Variants in MPLKIP observed in about 807,000 individuals in gnomAD.
MPLKIP encodes the protein M-phase specific PLK1 interacting protein, also known as M-phase-specific PLK1-interacting protein.
A neutral mutation model predicts 16.9 loss-of-function variants in MPLKIP; 16 were observed. That is an observed-to-expected ratio of 0.94 (90% CI 0.64 to 1.43). The LOEUF is 1.43. MPLKIP is among the 40% of genes most tolerant of loss of function. The pLI is 0.00. For synonymous variants in MPLKIP, 126 were observed against 98.4 expected, an observed-to-expected ratio of 1.28 and a Z score of -1.66; for missense variants, 282 against 237.6, an observed-to-expected ratio of 1.19 and a Z score of -1.23.
In MPLKIP at chr7:40,130,587, A is replaced by G. The variant is rs1329228787; in HGVS notation, c.*2472T>C. The G allele has an allele frequency of 6.6e-6, 1 of 152,222 alleles. No individual in the cohort carries two copies. The highest frequency in any genetic ancestry group is 2.4e-5 in the African/African-American group (1 of 41,476). The allele number at this position is 152,222 out of a possible 1,614,324, so 9.4% of individuals were successfully genotyped here. ...AATGTCTTCCAAATATGATATAAAT[A>G]CACTGGCACAAAATCCTAACTTCTG... On this transcript the variant is annotated 3_prime_UTR_variant, in exon 2 of 2. Coordinates refer to ENST00000306984, the MANE Select transcript of MPLKIP (RefSeq NM_138701.4).
At position 40,126,347 on chromosome 7, in the gene MPLKIP, CAACT is replaced by C. The variant is rs1460788618; in HGVS notation, c.*6708_*6711del. On this transcript the variant is annotated 3_prime_UTR_variant, in exon 2 of 2. Transcript: ENST00000306984. ...TTGTATCAAATGGCTCTAATTTAAT[CAACT>C]ATCTTGTTATACTGTGCAAATATGC... The C allele has an allele frequency of 1.3e-5, 2 of 152,190 alleles. No homozygotes were observed. Among genetic ancestry groups the C allele is most frequent in the Non-Finnish European group, 2.9e-5 (2 of 68,034 alleles). 9.4% of individuals were successfully genotyped at this position (152,190 alleles called of 1,614,324 possible).
chr7:40,130,723 T>TA lies in MPLKIP; in HGVS notation c.*2335dup, dbSNP rs955223352. 2.0e-4 allele frequency: 31 copies of TA among 152,330 alleles called. No homozygotes were observed. Among genetic ancestry groups the TA allele is most frequent in the Admixed American group, 5.2e-4 (8 of 15,292 alleles). 9.4% of individuals were successfully genotyped at this position (152,330 alleles called of 1,614,324 possible). On this transcript the variant is annotated 3_prime_UTR_variant, in exon 2 of 2. Coordinates refer to ENST00000306984, the MANE Select transcript of MPLKIP (RefSeq NM_138701.4). The stretch of plus-strand genomic sequence containing the variant: ...TACCTATAAAGTTCAATAAAGTATT[T>TA]AAAAAAGTATTCCCTTTGCTTTAAT...
rs144313345 is a variant in MPLKIP at position 40,130,156 on chromosome 7, A to G, written c.*2903T>C. 89 of 152,338 alleles carry G rather than the reference A, an allele frequency of 5.8e-4. No individual in the cohort carries two copies. The highest frequency in any genetic ancestry group is 3.4e-3 in the Middle Eastern group (1 of 294). 9.4% of individuals were successfully genotyped at this position (152,338 alleles called of 1,614,324 possible). ...GACCCTTGTTTGAAGACTCTACTAT[A>G]GACTACACTTCCATCCTTTAAGCAT... On this transcript the variant is annotated 3_prime_UTR_variant, in exon 2 of 2. Transcript: ENST00000306984.
rs1157472989 is a variant in MPLKIP, at chr7:40,132,772, T to C, written c.*287A>G. 5.0e-5 allele frequency: 21 copies of C among 417,160 alleles called. No homozygotes were observed. The highest frequency in any genetic ancestry group is 8.1e-5 in the African/African-American group (4 of 49,540). The allele number at this position is 417,160 out of a possible 1,614,324, so 25.8% of individuals were successfully genotyped here. A position where few individuals can be genotyped will look rare whatever the true frequency, so the allele number is the denominator to read the frequency against. On this transcript the variant is annotated 3_prime_UTR_variant, in exon 2 of 2. Transcript: ENST00000306984. ...AGACAAAATGTTTTATTTTAAAACA[T>C]TGAAAAAACATTAAAAGACAAATGT... is the stretch of plus-strand genomic sequence containing the variant.
Position 40,132,923 on chromosome 7 carries a change from G to A in MPLKIP, c.*136C>T, listed in dbSNP as rs1165360340. 24 of 801,848 alleles carry A rather than the reference G, an allele frequency of 3.0e-5. 1 individual carries two copies. The East Asian group carries it at 5.9e-4, about 20-fold the overall frequency. The allele number at this position is 801,848 out of a possible 1,614,324, so 49.7% of individuals were successfully genotyped here. ...CTCTAATATCAACAATACCTGATAC[G>A]ATGAAAAATAACAAAAAGACCTTAC... is the stretch of plus-strand genomic sequence containing the variant. On this transcript the variant is annotated 3_prime_UTR_variant, in exon 2 of 2. Transcript: ENST00000306984.
Position 40,132,919 on chromosome 7 carries a change from A to G in MPLKIP, c.*140T>C. On this transcript the variant is annotated 3_prime_UTR_variant, in exon 2 of 2. Coordinates refer to ENST00000306984, the MANE Select transcript of MPLKIP (RefSeq NM_138701.4). ...TTTTCTCTAATATCAACAATACCTG[A>G]TACGATGAAAAATAACAAAAAGACC... 1.3e-6 allele frequency: 1 copy of G among 780,998 alleles called. No individual in the cohort carries two copies. The highest frequency in any genetic ancestry group is 2.2e-6 in the Non-Finnish European group (1 of 464,834). The allele number at this position is 780,998 out of a possible 1,614,324, so 48.4% of individuals were successfully genotyped here. A position where few individuals can be genotyped will look rare whatever the true frequency, so the allele number is the denominator to read the frequency against.
Position 40,129,515 on chromosome 7 carries a change from C to CA in MPLKIP, c.*3543dup, listed in dbSNP as rs375759134. On this transcript the variant is annotated 3_prime_UTR_variant, in exon 2 of 2. Transcript: ENST00000306984. ...CAAGTGATCTGCCCACCTGGGCTCC[C>CA]AAAGTGCTGGGATTACAGGTGTGAG... The CA allele has an allele frequency of 5.5e-4, 84 of 152,306 alleles. 1 individual carries two copies. The highest frequency in any genetic ancestry group is 1.9e-3 in the African/African-American group (80 of 41,548). The allele number at this position is 152,306 out of a possible 1,614,324, so 9.4% of individuals were successfully genotyped here.
At chr7:40,133,674 C>T (rs754267097) in intron 1 of MPLKIP, among the ~76,000 whole-genome samples, 12 of 151,960 alleles carry the variant, frequency 7.9e-5, no homozygotes, top group Non-Finnish European at 1.8e-4. Flanking sequence ...TCCTTAGCTC[C>T]AGGCTCAAAA....
rs1218213172 is a variant in MPLKIP at position 40,134,415 on chromosome 7, C to G, written c.153G>C (p.Thr51=). 1 of 1,563,676 alleles carries G rather than the reference C, an allele frequency of 6.4e-7. No individual in the cohort carries two copies. The highest frequency in any genetic ancestry group is 8.6e-7 in the Non-Finnish European group (1 of 1,156,178). The part of the protein sequence containing the change: ...PRDGYGSPHH[T]PPYGPRSRPY... Reference sequence around the variant, plus strand: ...GCCTAGACCGGGGCCCGTACGGCGGCGTGTGGTGCGGACTCCCGTACCCGT... The same window carrying G: ...GCCTAGACCGGGGCCCGTACGGCGGGGTGTGGTGCGGACTCCCGTACCCGT... The change falls in exon 1 of 2, where the codon ACG becomes ACC. Residue 51 remains threonine, a synonymous_variant. Coordinates refer to ENST00000306984, the MANE Select transcript of MPLKIP (RefSeq NM_138701.4).
In MPLKIP at chr7:40,131,110, CAT is replaced by C. The variant is rs1193910414; in HGVS notation, c.*1947_*1948del. Reference sequence around the variant, plus strand: ...GTACTATTAATTTTCTCATCTTACACATGAGAAAATTGAGGCATAGAGAAGTG... The same window carrying C: ...GTACTATTAATTTTCTCATCTTACACGAGAAAATTGAGGCATAGAGAAGTG... On this transcript the variant is annotated 3_prime_UTR_variant, in exon 2 of 2. Transcript: ENST00000306984. 2.0e-5 allele frequency: 3 copies of C among 152,152 alleles called. No homozygotes were observed. The highest frequency in any genetic ancestry group is 7.2e-5 in the African/African-American group (3 of 41,410). 9.4% of individuals were successfully genotyped at this position (152,152 alleles called of 1,614,324 possible).
Position 40,128,937 on chromosome 7 carries a change from AGAAT to A in MPLKIP, c.*4118_*4121del, listed in dbSNP as rs1171467393. On this transcript the variant is annotated 3_prime_UTR_variant, in exon 2 of 2. Transcript: ENST00000306984. ...TCTCAAAAAAAAAAAAAAAAAAAAAAGAATGGTGGAAATACAGAGTTTGCTTCAC... is the reference window on the plus strand; with the variant it reads ...TCTCAAAAAAAAAAAAAAAAAAAAAAGGTGGAAATACAGAGTTTGCTTCAC... 2 of 151,178 alleles carry A rather than the reference AGAAT, an allele frequency of 1.3e-5. No individual in the cohort carries two copies. Among genetic ancestry groups the A allele is most frequent in the Non-Finnish European group, 2.9e-5 (2 of 67,798 alleles). The allele number at this position is 151,178 out of a possible 1,614,324, so 9.4% of individuals were successfully genotyped here. A position where few individuals can be genotyped will look rare whatever the true frequency, so the allele number is the denominator to read the frequency against.
chr7:40,133,428 T>A (rs571155922), intron 1 of MPLKIP, among the ~76,000 whole-genome samples, 169 bp from the exon 2 acceptor site: 10 of 152,266 alleles, frequency 6.6e-5, no homozygotes, highest in African/African-American at 2.4e-4. Flanking sequence ...TCCTATTTTT[T>A]AAAAAAAGTA....
rs1291344374 is a variant in MPLKIP, at chr7:40,134,339, G to A, written c.229C>T (p.Arg77Trp). The A allele has an allele frequency of 3.9e-6, 6 of 1,552,770 alleles. No individual in the cohort carries two copies. The highest frequency in any genetic ancestry group is 4.4e-6 in the Non-Finnish European group (5 of 1,148,974). Residue 77 changes from arginine (R) to tryptophan (W), a missense_variant, in exon 1 of 2, where the codon CGG becomes TGG. Arg to Trp is a moderately radical substitution (Grantham distance 101). Coordinates refer to ENST00000306984, the MANE Select transcript of MPLKIP (RefSeq NM_138701.4). ...CCGCCAGGGGACGGAGACCCGAACC[G>A]GCCCCCCGGGAAGCTGCCGCCGTGT... Reference protein sequence around the residue: ...PRHGGSFPGGRFGSPSPGGYP... With the variant: ...PRHGGSFPGGWFGSPSPGGYP...
At position 40,133,137 on chromosome 7, in the gene MPLKIP, T is replaced by C. The variant is rs1196365296; in HGVS notation, c.462A>G (p.Pro154=). ...MLEDPWAGLE[P]VSVVDISQQY... The stretch of plus-strand genomic sequence containing the variant: ...GTTGGCTTATATCCACTACAGATAC[T>C]GGTTCTAGGCCAGCCCAAGGATCTT... Residue 154 remains proline, a synonymous_variant, in exon 2 of 2, where the codon CCA becomes CCG. Transcript: ENST00000306984. The C allele has an allele frequency of 2.5e-6, 4 of 1,614,040 alleles. No homozygotes were observed. Among genetic ancestry groups the C allele is most frequent in the Middle Eastern group, 1.7e-4 (1 of 6,058 alleles).
chr7:40,133,207 C>T lies in MPLKIP; in HGVS notation c.392G>A (p.Arg131Lys). 1 of 1,613,712 alleles carries T rather than the reference C, an allele frequency of 6.2e-7. No homozygotes were observed. Among genetic ancestry groups the T allele is most frequent in the Non-Finnish European group, 8.5e-7 (1 of 1,179,964 alleles). The change falls in exon 2 of 2, where the codon AGA becomes AAA. Residue 131 changes from arginine to lysine, a missense_variant. Arg to Lys is a conservative substitution (Grantham distance 26). Transcript: ENST00000306984. ...PFGSGRVREK[R>K]MSNELENYFK... ...ATAATTTTCCAACTCATTAGACATT[C>T]TTTTTTCTCTAACACGCCCTGATCC...
Position 40,134,287 on chromosome 7 carries a change from G to C in MPLKIP, c.281C>G (p.Pro94Arg). ...GCCGAATTGCTGCTGGGACCCCGCG[G>C]GGGACCTGGAGTAGGAGCCAGGGTA... Reference protein sequence around the residue: ...GGYPGSYSRSPAGSQQQFGYS... With the variant: ...GGYPGSYSRSRAGSQQQFGYS... The change falls in exon 1 of 2, where the codon CCC (proline) becomes CGC (arginine). Residue 94 changes from proline (P) to arginine (R), a missense_variant. Transcript: ENST00000306984. 6.4e-7 allele frequency: 1 copy of C among 1,560,358 alleles called. No individual in the cohort carries two copies. The highest frequency in any genetic ancestry group is 8.7e-7 in the Non-Finnish European group (1 of 1,152,182).
rs1287311889 is a variant in MPLKIP, at chr7:40,134,609, A to C, written c.-42T>G. The C allele has an allele frequency of 6.5e-7, 1 of 1,541,934 alleles. No individual in the cohort carries two copies. Reference sequence around the variant, plus strand: ...GAAAACCTCGCAGCCGCGTTCTCCCACCGGAACTGTATCAACCGGCCCTCC... The same window carrying C: ...GAAAACCTCGCAGCCGCGTTCTCCCCCCGGAACTGTATCAACCGGCCCTCC... On this transcript the variant is annotated 5_prime_UTR_variant, in exon 1 of 2. Coordinates refer to ENST00000306984, the MANE Select transcript of MPLKIP (RefSeq NM_138701.4).
chr7:40,132,138 A>G lies in MPLKIP; in HGVS notation c.*921T>C, dbSNP rs1312882684. The G allele has an allele frequency of 6.6e-6, 1 of 152,254 alleles. No homozygotes were observed. The highest frequency in any genetic ancestry group is 1.5e-5 in the Non-Finnish European group (1 of 68,048). The allele number at this position is 152,254 out of a possible 1,614,324, so 9.4% of individuals were successfully genotyped here. On this transcript the variant is annotated 3_prime_UTR_variant, in exon 2 of 2. Coordinates refer to ENST00000306984, the MANE Select transcript of MPLKIP (RefSeq NM_138701.4). ...ATTTGGAAAACCACTTCTCTACTCCAGGTAGGCCCAGTGGTGTTCAAGGTC... is the reference window on the plus strand; with the variant it reads ...ATTTGGAAAACCACTTCTCTACTCCGGGTAGGCCCAGTGGTGTTCAAGGTC...
At position 40,130,365 on chromosome 7, in the gene MPLKIP, C is replaced by G. The variant is rs1411237271; in HGVS notation, c.*2694G>C. On this transcript the variant is annotated 3_prime_UTR_variant, in exon 2 of 2. Coordinates refer to ENST00000306984, the MANE Select transcript of MPLKIP (RefSeq NM_138701.4). ...CGGTAACAAACCAAATGGCCAATGC[C>G]ACAAGAATTTTGATAACTGAATACA... 6.6e-6 allele frequency: 1 copy of G among 152,120 alleles called. No homozygotes were observed. The highest frequency in any genetic ancestry group is 1.5e-5 in the Non-Finnish European group (1 of 68,016). The allele number at this position is 152,120 out of a possible 1,614,324, so 9.4% of individuals were successfully genotyped here. A position where few individuals can be genotyped will look rare whatever the true frequency, so the allele number is the denominator to read the frequency against.
Sources: gnomAD v4.1 joint callset for allele counts (sites outside exome capture counted in the v4.1 genomes callset) on GRCh38, gnomAD v4.1.1 for gene constraint, MANE v1.5 for transcripts, NCBI Gene and HGNC (gene_info 2026-07-23, HGNC 2026-07-21) for gene names.